The following NPSR1 variants were observed in gnomAD, a reference collection of about 807,000 sequenced individuals.
NPSR1 encodes neuropeptide S receptor.
Under a neutral mutation model 46.9 loss-of-function variants are expected in NPSR1, and 48 were observed. That is an observed-to-expected ratio of 1.02 (90% CI 0.81 to 1.30). NPSR1 has a LOEUF of 1.30. NPSR1 is among the 50% of genes most tolerant of loss of function. The pLI, the probability that NPSR1 is intolerant of heterozygous loss-of-function variation, is 0.00. For synonymous variants in NPSR1, 176 were observed against 168.1 expected, an observed-to-expected ratio of 1.05 and a Z score of -0.36; for missense variants, 450 against 449.5, an observed-to-expected ratio of 1.00 and a Z score of -0.01.
chr7:34,752,083 G>A (rs1172260996), intron 2 of NPSR1: 2 of 587,116 alleles, frequency 3.4e-6, no homozygotes, highest in South Asian at 3.8e-5. Flanking sequence ...GTGACGGGGA[G>A]AAGGCCTGGA....
At chr7:34,739,358 C>A (rs1321776013) in intron 2 of NPSR1, among the ~76,000 whole-genome samples, 1 of 152,206 alleles carries the variant, frequency 6.6e-6, no homozygotes. Context: ...TTCTCATCAG[C>A]AATGTACAAG....
At chr7:34,809,031 C>A (rs888402511) in intron 3 of NPSR1, among the ~76,000 whole-genome samples, 1 of 152,104 alleles carries the variant, frequency 6.6e-6, no homozygotes, top group African/African-American at 2.4e-5. Context: ...CTGAACTGTG[C>A]CTGTCACCTC....
chr7:34,778,308 T>C (rs1384850427), intron 2 of NPSR1, among the ~76,000 whole-genome samples, 154 bp from the exon 3 acceptor site: 1 of 152,132 alleles, frequency 6.6e-6, no homozygotes, highest in African/African-American at 2.4e-5. Flanking sequence ...CTACCTTGCT[T>C]TGCATTTCCT....
At chr7:34,803,872 C>A (rs1253517028) in intron 3 of NPSR1, among the ~76,000 whole-genome samples, 3 of 151,826 alleles carry the variant, frequency 2.0e-5, no homozygotes, top group Non-Finnish European at 2.9e-5. Context: ...ATAAACAACT[C>A]TATGCCCACA....
At chr7:34,786,794 G>T (rs1164413175) in intron 3 of NPSR1, among the ~76,000 whole-genome samples, 2 of 152,120 alleles carry the variant, frequency 1.3e-5, no homozygotes, top group South Asian at 4.1e-4. Context: ...ATTTGGAAAG[G>T]AATCTTTTTT....
intron 2 of NPSR1, among the ~76,000 whole-genome samples, chr7:34,769,011 A>C (rs1200592406): frequency 2.6e-5 from 4 of 152,130 alleles, no homozygotes; most frequent in African/African-American, 9.7e-5. Context: ...TGAAAAGTTA[A>C]TGAGTTTGGA....
intron 3 of NPSR1, among the ~76,000 whole-genome samples, chr7:34,804,522 C>G (rs1198243869): frequency 6.6e-6 from 1 of 151,912 alleles, no homozygotes; most frequent in African/African-American, 2.4e-5. Context: ...AGAGAAACTG[C>G]CTCAACTTCA....
chr7:34,709,874 A>G (rs978336007), intron 2 of NPSR1, among the ~76,000 whole-genome samples: 6 of 152,170 alleles, frequency 3.9e-5, no homozygotes, highest in African/African-American at 1.4e-4. Flanking sequence ...AAAAGATGAG[A>G]AGGAGAAACC....
intron 4 of NPSR1, among the ~76,000 whole-genome samples, chr7:34,824,324 G>A (rs1789723043): frequency 6.6e-6 from 1 of 152,192 alleles, no homozygotes; most frequent in African/African-American, 2.4e-5. Context: ...TACAGAAATG[G>A]ACAAGAGCAC....
chr7:34,815,272 C>A (rs190951379), intron 4 of NPSR1, among the ~76,000 whole-genome samples: 171 of 152,224 alleles, frequency 1.1e-3, no homozygotes, highest in African/African-American at 4.1e-3. Flanking sequence ...CTTCGTGAGG[C>A]ATGCACAAGC....
At chr7:34,733,719 T>G (rs529888520) in intron 2 of NPSR1, among the ~76,000 whole-genome samples, 2 of 152,354 alleles carry the variant, frequency 1.3e-5, no homozygotes, top group African/African-American at 4.8e-5. Flanking sequence ...GTACACTCAT[T>G]GCTATTTAAA....
chr7:34,684,044 T>C (rs1207747760), intron 1 of NPSR1, among the ~76,000 whole-genome samples: 1 of 151,842 alleles, frequency 6.6e-6, no homozygotes, highest in African/African-American at 2.4e-5. Context: ...TTTTACAGAG[T>C]TGTAATCATA....
At chr7:34,832,917 A>G (rs530995005) in intron 5 of NPSR1, among the ~76,000 whole-genome samples, 13 of 152,136 alleles carry the variant, frequency 8.5e-5, no homozygotes, top group Non-Finnish European at 1.6e-4. Flanking sequence ...TGAACTCACT[A>G]ATAACATTTT....
chr7:34,778,478 G>T lies in NPSR1; in HGVS notation c.297G>T (p.Leu99=). 6.2e-7 allele frequency: 1 copy of T among 1,603,306 alleles called. No individual in the cohort carries two copies. Among genetic ancestry groups the T allele is most frequent in the Non-Finnish European group, 8.5e-7 (1 of 1,171,040 alleles). Residue 99 remains leucine (L), a synonymous_variant, in exon 3 of 9, where the codon CTG becomes CTT. Transcript: ENST00000360581. ...QLAITDSFTG[L]VNILTDINWR... is the part of the protein sequence containing the mutation. ...TTTTGTTAGATTCTTTCACAGGACT[G>T]GTCAACATCTTGACAGATATTAATT...
At chr7:34,809,864 A>G (rs1788898306) in intron 3 of NPSR1, among the ~76,000 whole-genome samples, 1 of 152,224 alleles carries the variant, frequency 6.6e-6, no homozygotes, top group Admixed American at 6.5e-5. Context: ...GCTTCCACTT[A>G]TAAGTGAGAA....
At chr7:34,748,261 G>T (rs897713335) in intron 2 of NPSR1, among the ~76,000 whole-genome samples, 1 of 152,172 alleles carries the variant, frequency 6.6e-6, no homozygotes, top group Non-Finnish European at 1.5e-5. Flanking sequence ...CTAAGCATTC[G>T]CATAATATCT....
chr7:34,718,295 G>C (rs551523268), intron 2 of NPSR1, among the ~76,000 whole-genome samples: 3 of 152,048 alleles, frequency 2.0e-5, no homozygotes, highest in Admixed American at 1.3e-4. Context: ...AAATCTCTTC[G>C]ATGCTTGTTT....
rs538896691 is a variant in NPSR1 at position 34,783,930 on chromosome 7, TAG to T, written c.384+5371_384+5372del. Among the ~76,000 whole-genome samples, 291 of 151,964 alleles carry T rather than the reference TAG, an allele frequency of 1.9e-3. 4 individuals carry two copies. The highest frequency in any genetic ancestry group is 4.9e-3 in the Admixed American group (74 of 15,242). ...ACAAAGCTGTCCTTTAGGAATCAAG[TAG>T]AGAGAAAGATTTCCCCAGACAAACA... is the stretch of plus-strand genomic sequence containing the variant. On this transcript the variant is annotated intron_variant, in intron 3 of 8. Transcript: ENST00000360581.
intron 3 of NPSR1, among the ~76,000 whole-genome samples, chr7:34,804,284 T>C (rs549144926): frequency 6.6e-6 from 1 of 152,254 alleles, no homozygotes; most frequent in African/African-American, 2.4e-5. Flanking sequence ...ACTTAAATTT[T>C]TGTTTAAAGG....
Sources: gnomAD v4.1 joint callset for allele counts (sites outside exome capture counted in the v4.1 genomes callset) on GRCh38, gnomAD v4.1.1 for gene constraint, MANE v1.5 for transcripts, NCBI Gene and HGNC (gene_info 2026-07-23, HGNC 2026-07-21) for gene names.